Variants in DSP observed in about 807,000 individuals in gnomAD.
DSP encodes the protein 250/210 kDa paraneoplastic pemphigus antigen.
In DSP, 114 loss-of-function variants were observed where a neutral mutation model predicts 290.6. The observed-to-expected ratio is 0.39, with a 90% CI of 0.34 to 0.46. DSP has a LOEUF of 0.46. DSP is among the 20% of genes least tolerant of loss of function. The pLI, the probability that DSP is intolerant of heterozygous loss-of-function variation, is 0.99. For synonymous variants in DSP, 1,311 were observed against 1,316.4 expected (o/e 1.00, Z 0.09); for missense variants, 3,230 against 3,495.8 (o/e 0.92, Z 1.92).
At chr6:7,573,448 T>G (rs923349940) in intron 15 of DSP, among the ~76,000 whole-genome samples, 5 of 151,928 alleles carry the variant, frequency 3.3e-5, no homozygotes, top group South Asian at 2.1e-4. Flanking sequence ...TGTGGTGGCG[T>G]GCGCCTGTAA....
rs140818921 is a variant in DSP at position 7,551,541 on chromosome 6, A to C, written c.171-4177A>C. 2.5e-3 allele frequency among the ~76,000 whole-genome samples: 385 copies of C among 152,216 alleles called. 2 individuals are homozygous for C. Among genetic ancestry groups the C allele is most frequent in the African/African-American group, 8.8e-3 (367 of 41,524 alleles). On this transcript the variant is annotated intron_variant, in intron 1 of 23. Coordinates refer to ENST00000379802, the MANE Select transcript of DSP (RefSeq NM_004415.4). ...GCTACTTGGGAGGCTGAGGCAGAAG[A>C]ATCACTTGAACCCAGGATGTGGAGG...
At chr6:7,548,922 A>G (rs1334046568) in intron 1 of DSP, among the ~76,000 whole-genome samples, 1 of 152,114 alleles carries the variant, frequency 6.6e-6, no homozygotes, top group East Asian at 1.9e-4. Context: ...GCCGAACCTT[A>G]TTTATGTTGT....
chr6:7,548,673 G>A (rs1758244365), intron 1 of DSP, among the ~76,000 whole-genome samples: 1 of 152,196 alleles, frequency 6.6e-6, no homozygotes, highest in African/African-American at 2.4e-5. Context: ...GCTGCTGGGC[G>A]AAGACAAAAT....
At chr6:7,549,978 T>C (rs974066929) in intron 1 of DSP, among the ~76,000 whole-genome samples, 2 of 150,206 alleles carry the variant, frequency 1.3e-5, no homozygotes, top group Non-Finnish European at 2.9e-5. Context: ...ATTTGTCTTG[T>C]TTTTTTGTGT....
At chr6:7,542,819 C>T (rs901716671) in intron 1 of DSP, among the ~76,000 whole-genome samples, 2 of 152,338 alleles carry the variant, frequency 1.3e-5, no homozygotes, top group Admixed American at 1.3e-4. Flanking sequence ...ACCTGGGGCC[C>T]TGCCTCTGAG....
chr6:7,581,681 A>C, intron 23 of DSP, 112 bp downstream of exon 23: 1 of 1,471,324 alleles, frequency 6.8e-7, no homozygotes, highest in Non-Finnish European at 9.1e-7. Flanking sequence ...AGAAAATCTA[A>C]TTTTTCTTTT....
rs772925425 is a variant in DSP at position 7,569,248 on chromosome 6, C to T, written c.1482C>T (p.Tyr494=). ...LKDNNERSKW[Y]VTGPGGVDML... is the part of the protein sequence containing the mutation. Reference sequence around the variant, plus strand: ...ACAACAACGAGCGCAGCAAGTGGTACGTGACGGGCCCGGGAGGCGTTGACA... The same window carrying T: ...ACAACAACGAGCGCAGCAAGTGGTATGTGACGGGCCCGGGAGGCGTTGACA... The change falls in exon 12 of 24, where the codon TAC becomes TAT. Residue 494 remains tyrosine (Y), a synonymous_variant. Transcript: ENST00000379802. 96 of 1,614,070 alleles carry T rather than the reference C, an allele frequency of 5.9e-5. No individual in the cohort carries two copies. The highest frequency in any genetic ancestry group is 2.0e-4 in the South Asian group (18 of 91,088).
intron 2 of DSP, 102 bp downstream of exon 2, chr6:7,555,922 C>G (rs529392981): frequency 1.0e-6 from 1 of 987,422 alleles, no homozygotes; most frequent in Admixed American, 2.0e-5. Context: ...TGACCTCTTT[C>G]ACGTAGTGTT....
chr6:7,563,792 CT>C lies in DSP; in HGVS notation c.777+7del. On this transcript the variant is annotated splice_region_variant and intron_variant, in intron 6 of 23. Transcript: ENST00000379802. ...AGGAGTATGAAAACCTGCTGGTAAG[CT>C]GATTTATTTCTCAAGTGCATCGACT... The C allele has an allele frequency of 6.2e-7, 1 of 1,612,926 alleles. No individual in the cohort carries two copies.
At chr6:7,551,009 A>G (rs1421037914) in intron 1 of DSP, among the ~76,000 whole-genome samples, 3 of 152,162 alleles carry the variant, frequency 2.0e-5, no homozygotes, top group Admixed American at 2.0e-4. Context: ...TCATTTTAAA[A>G]TTATTTCTTT....
At position 7,567,443 on chromosome 6, in the gene DSP, C is replaced by A; in HGVS notation, c.1134C>A (p.Tyr378Ter). The change falls in exon 9 of 24, where the codon TAC becomes TAA. Residue 378 changes from tyrosine (Y) to a stop codon, truncating the protein, a stop_gained. Transcript: ENST00000379802. LOFTEE classifies it high-confidence loss of function. ...TTCATCTGAAAGAAAATGCTGCCTA[C>A]TTTCAGGTTTTTATATTTAGTGATA... ...IDVHLKENAA[Y>*]FQFFEEAQST... 6.2e-7 allele frequency: 1 copy of A among 1,613,468 alleles called. No homozygotes were observed. The highest frequency in any genetic ancestry group is 8.5e-7 in the Non-Finnish European group (1 of 1,179,640).
rs1759065265 is a variant in DSP, at chr6:7,571,890, A to G, written c.1952A>G (p.His651Arg). The G allele has an allele frequency of 1.2e-6, 2 of 1,614,064 alleles. No homozygotes were observed. The highest frequency in any genetic ancestry group is 2.2e-5 in the South Asian group (2 of 91,076). Residue 651 changes from histidine to arginine, a missense_variant, in exon 15 of 24, where the codon CAT (histidine) becomes CGT (arginine). Physicochemically the swap from His to Arg is conservative, Grantham distance 29 (BLOSUM62 0). Transcript: ENST00000379802. ...CATGGAACCTGCCAAGATGTCAACC[A>G]TAATAAAGTAATTGAAACCAACAGA... ...THHGTCQDVN[H>R]NKVIETNREN...
At position 7,579,810 on chromosome 6, in the gene DSP, G is replaced by A; in HGVS notation, c.3620G>A (p.Arg1207Lys). The change falls in exon 23 of 24, where the codon AGG (arginine) becomes AAG (lysine). Residue 1207 changes from arginine to lysine, a missense_variant. This residue lies in a region of DSP where 1,714 missense variants were observed against 1,844.5 expected (regional missense o/e 0.93). Coordinates refer to ENST00000379802, the MANE Select transcript of DSP (RefSeq NM_004415.4). The surrounding 1 kb of genome is among the most constrained non-coding windows in gnomAD (Gnocchi z 4.1). ...NHYNEEMSNLRNKYETEINIT... is the reference protein window; with the variant it reads ...NHYNEEMSNLKNKYETEINIT... ...TATAATGAGGAGATGAGTAATTTAA[G>A]GAACAAGTATGAAACAGAGATTAAC... The A allele has an allele frequency of 6.2e-7, 1 of 1,613,996 alleles. No individual in the cohort carries two copies. The highest frequency in any genetic ancestry group is 8.5e-7 in the Non-Finnish European group (1 of 1,179,994).
Position 7,586,002 on chromosome 6 carries a change from A to G in DSP, c.*124A>G. ...GATAGGACATTCTATGCTTACAGAA[A>G]ATATAGCCATGATTGAAATCAAATA... On this transcript the variant is annotated 3_prime_UTR_variant, in exon 24 of 24. Transcript: ENST00000379802. The G allele has an allele frequency of 1.1e-5, 11 of 998,944 alleles. No individual in the cohort carries two copies. In the South Asian group the frequency reaches 1.6e-4, roughly 14 times the overall value. The allele number at this position is 998,944 out of a possible 1,614,324, so 61.9% of individuals were successfully genotyped here.
chr6:7,580,285 G>A lies in DSP; in HGVS notation c.4095G>A (p.Gln1365=), dbSNP rs768916432. 1.2e-6 allele frequency: 2 copies of A among 1,613,598 alleles called. No individual in the cohort carries two copies. The highest frequency in any genetic ancestry group is 1.3e-5 in the African/African-American group (1 of 74,878). The change falls in exon 23 of 24, where the codon CAG becomes CAA. Residue 1365 remains glutamine (Q), a synonymous_variant. Transcript: ENST00000379802. This position sits in a 1 kb window ranked among gnomAD's most constrained non-coding sequence, Gnocchi z 4.2. ...YDEEIISLKN[Q]FETEINITKT... is the part of the protein sequence containing the mutation. ...AGGAGATCATTAGCTTAAAAAATCA[G>A]TTTGAGACCGAGATCAACATCACCA...
intron 4 of DSP, among the ~76,000 whole-genome samples, chr6:7,559,803 A>G (rs976569939): frequency 2.0e-5 from 3 of 152,212 alleles, no homozygotes; most frequent in African/African-American, 7.2e-5. Context: ...TACTTGAAAA[A>G]AAGCCCATTG....
chr6:7,569,124 GA>G (rs1201163124), intron 11 of DSP, 61 bp from the exon 12 acceptor site: 5 of 1,606,732 alleles, frequency 3.1e-6, no homozygotes, highest in Admixed American at 1.7e-5. Context: ...CCATCATTGA[GA>G]AAAAAAATAA....
chr6:7,581,252 G>A lies in DSP; in HGVS notation c.5062G>A (p.Ala1688Thr), dbSNP rs757753880. Residue 1688 changes from alanine (A) to threonine (T), a missense_variant, in exon 23 of 24, where the codon GCG (alanine) becomes ACG (threonine). By Grantham distance (58) the Ala-to-Thr change is moderately conservative. Transcript: ENST00000379802. Reference protein sequence around the residue: ...AHLRNEHFQKAIEDKSRSLNE... With the variant: ...AHLRNEHFQKTIEDKSRSLNE... ...CTTGAGGAATGAGCATTTCCAGAAG[G>A]CGATAGAAGATAAAAGCAGAAGCTT... 2.0e-5 allele frequency: 33 copies of A among 1,614,026 alleles called. No homozygotes were observed. The highest frequency in any genetic ancestry group is 3.3e-5 in the Admixed American group (2 of 60,010).
At position 7,581,526 on chromosome 6, in the gene DSP, A is replaced by G. The variant is rs1160113744; in HGVS notation, c.5336A>G (p.Asn1779Ser). 1.2e-6 allele frequency: 2 copies of G among 1,614,138 alleles called. No individual in the cohort carries two copies. ...LINDLQRERE[N>S]LRQEIEKFQK... The stretch of plus-strand genomic sequence containing the variant: ...AATGATTTACAGAGAGAGAGGGAAA[A>G]TTTGAGACAGGAAATTGAGAAATTC... The change falls in exon 23 of 24, where the codon AAT becomes AGT. Residue 1779 changes from asparagine to serine, a missense_variant. Asn to Ser is a conservative substitution (Grantham distance 46, BLOSUM62 1). Transcript: ENST00000379802.
Sources: gnomAD v4.1 joint callset for allele counts (sites outside exome capture counted in the v4.1 genomes callset) on GRCh38, gnomAD v4.1.1 for gene constraint, gnomAD v4.1.1 regional missense constraint, Gnocchi (gnomAD v3.1) non-coding constraint, MANE v1.5 for transcripts, NCBI Gene and HGNC (gene_info 2026-07-23, HGNC 2026-07-21) for gene names.